KIRREL3: variants seen among roughly 807,000 people sequenced by gnomAD.
KIRREL3 encodes the protein kirre like nephrin family adhesion molecule 3.
In KIRREL3, 36 loss-of-function variants were observed where a neutral mutation model predicts 89.7. The ratio of observed to expected loss-of-function variants is 0.40; its 90% CI spans 0.31 to 0.53. The LOEUF is 0.53. Ranked by LOEUF, KIRREL3 falls within the 20% of genes least tolerant of loss-of-function variation. KIRREL3 has a pLI of 0.49. For missense variants in KIRREL3, 864 were observed against 1,056.6 expected (o/e 0.82, Z 2.53); for synonymous variants, 445 against 441.4 (o/e 1.01, Z -0.10).
At chr11:126,510,641 T>C (rs1297134112) in intron 4 of KIRREL3, among the ~76,000 whole-genome samples, 3 of 152,070 alleles carry the variant, frequency 2.0e-5, no homozygotes, top group Non-Finnish European at 2.9e-5. Flanking sequence ...AGTAAATCTA[T>C]TGTGCTTCTT....
At chr11:126,451,848 G>C (rs574352415) in intron 7 of KIRREL3, among the ~76,000 whole-genome samples, 1 of 152,224 alleles carries the variant, frequency 6.6e-6, no homozygotes, top group African/African-American at 2.4e-5. Context: ...CTTCTCTTCA[G>C]GCTGTTACAG....
At chr11:126,648,684 C>T (rs11220569) in intron 1 of KIRREL3, among the ~76,000 whole-genome samples, 7,204 of 152,164 alleles carry the variant, frequency 0.047, 521 homozygotes, top group East Asian at 0.15. Flanking sequence ...ATTTGTTGAA[C>T]ATATATATGT....
intron 2 of KIRREL3, chr11:126,549,343 AG>A (rs1939072616): frequency 6.6e-6 from 1 of 152,212 alleles, no homozygotes; most frequent in Non-Finnish European, 1.5e-5. Context: ...AGATGGAGTT[AG>A]GGGGAAAACG....
In KIRREL3 at chr11:126,605,955, C is replaced by G. The variant is rs1467066186; in HGVS notation, c.56-43043G>C. On this transcript the variant is annotated intron_variant, in intron 1 of 16. Transcript: ENST00000525144. The surrounding 1 kb of genome is among the most constrained non-coding windows in gnomAD (Gnocchi z 5.7). Reference sequence around the variant, plus strand: ...TCAGGGAAGTGACACACAGAATGGCCCCTTTGGCAGGGAGCAGTGAGCCAT... The same window carrying G: ...TCAGGGAAGTGACACACAGAATGGCGCCTTTGGCAGGGAGCAGTGAGCCAT... Among the ~76,000 whole-genome samples, 1 of 152,192 alleles carries G rather than the reference C, an allele frequency of 6.6e-6. No homozygotes were observed. The highest frequency in any genetic ancestry group is 1.5e-5 in the Non-Finnish European group (1 of 68,034).
rs1303039162 is a variant in KIRREL3 at position 126,551,047 on chromosome 11, C to T, written c.133+11788G>A. On this transcript the variant is annotated intron_variant, in intron 2 of 16. Coordinates refer to ENST00000525144, the MANE Select transcript of KIRREL3 (RefSeq NM_032531.4). The surrounding 1 kb of genome is among the most constrained non-coding windows in gnomAD (Gnocchi z 4.9). ...GTTTGATTAATTTGCTAGAGTGGCA[C>T]GAAGACCTCAGGGAAACACTTACCT... Among the ~76,000 whole-genome samples, 3 of 152,100 alleles carry T rather than the reference C, an allele frequency of 2.0e-5. No individual in the cohort carries two copies. Among genetic ancestry groups the T allele is most frequent in the South Asian group, 4.2e-4 (2 of 4,810 alleles).
In KIRREL3 at chr11:126,563,873, AC is replaced by A. The variant is rs1940316528; in HGVS notation, c.56-962del. Among the ~76,000 whole-genome samples, 1 of 151,864 alleles carries A rather than the reference AC, an allele frequency of 6.6e-6. No homozygotes were observed. Among genetic ancestry groups the A allele is most frequent in the Admixed American group, 6.6e-5 (1 of 15,248 alleles). ...ACACTAATTTTTTTGACCCCCCTCTACCCCCAAACAACTCACTGAGGTGGGC... is the reference window on the plus strand; with the variant it reads ...ACACTAATTTTTTTGACCCCCCTCTACCCCAAACAACTCACTGAGGTGGGC... On this transcript the variant is annotated intron_variant, in intron 1 of 16. Coordinates refer to ENST00000525144, the MANE Select transcript of KIRREL3 (RefSeq NM_032531.4). The surrounding 1 kb of genome is among the most constrained non-coding windows in gnomAD (Gnocchi z 6.8).
At chr11:126,502,255 G>C (rs535675552) in intron 4 of KIRREL3, among the ~76,000 whole-genome samples, 7 of 152,140 alleles carry the variant, frequency 4.6e-5, no homozygotes, top group Non-Finnish European at 1.0e-4. Context: ...CCTAGCACAG[G>C]GGATGCATCC....
In KIRREL3 at chr11:126,965,665, A is replaced by G. The variant is rs1199301856; in HGVS notation, c.55+34790T>C. Among the ~76,000 whole-genome samples the G allele has an allele frequency of 6.6e-6, 1 of 152,220 alleles. No individual in the cohort carries two copies. The highest frequency in any genetic ancestry group is 2.4e-5 in the African/African-American group (1 of 41,448). On this transcript the variant is annotated intron_variant, in intron 1 of 16. Coordinates refer to ENST00000525144, the MANE Select transcript of KIRREL3 (RefSeq NM_032531.4). The surrounding 1 kb of genome is among the most constrained non-coding windows in gnomAD (Gnocchi z 4.4). ...TGATGGAGAGGTCAGAGCCATGGAT[A>G]ATCGAAACCTCAGCCAAAAGAAGAT...
At position 126,750,136 on chromosome 11, in the gene KIRREL3, T is replaced by C. The variant is rs747612138; in HGVS notation, c.56-187224A>G. ...GAATAAATAAGTGCCTTGCACATAG[T>C]AGGCACAGAATACACAATCATTGCT... is the stretch of plus-strand genomic sequence containing the variant. On this transcript the variant is annotated intron_variant, in intron 1 of 16. Coordinates refer to ENST00000525144, the MANE Select transcript of KIRREL3 (RefSeq NM_032531.4). The surrounding 1 kb of genome is among the most constrained non-coding windows in gnomAD (Gnocchi z 4.2). 1.3e-5 allele frequency among the ~76,000 whole-genome samples: 2 copies of C among 152,182 alleles called. No homozygotes were observed. Among genetic ancestry groups the C allele is most frequent in the Non-Finnish European group, 1.5e-5 (1 of 68,036 alleles).
At chr11:126,894,438 G>A (rs1363761631) in intron 1 of KIRREL3, among the ~76,000 whole-genome samples, 1 of 148,692 alleles carries the variant, frequency 6.7e-6, no homozygotes, top group Non-Finnish European at 1.5e-5. Context: ...GCTGGGCATG[G>A]TGCCTCATGC....
Position 126,918,649 on chromosome 11 carries a change from G to T in KIRREL3, c.55+81806C>A, listed in dbSNP as rs1431225658. ...GAGTTTATAATCTAAGAAAGGGATT[G>T]CAAATACATAGAAAGGCTATTCCAT... On this transcript the variant is annotated intron_variant, in intron 1 of 16. Transcript: ENST00000525144. This position sits in a 1 kb window ranked among gnomAD's most constrained non-coding sequence, Gnocchi z 6.5. 6.6e-6 allele frequency among the ~76,000 whole-genome samples: 1 copy of T among 152,210 alleles called. No homozygotes were observed. The highest frequency in any genetic ancestry group is 1.9e-4 in the East Asian group (1 of 5,202).
At chr11:126,449,296 A>C in intron 7 of KIRREL3, 139 bp from the exon 8 acceptor site, 1 of 906,098 alleles carries the variant, frequency 1.1e-6, no homozygotes, top group Non-Finnish European at 1.7e-6. Flanking sequence ...GTCAAGGGGA[A>C]TCTTCACAGA....
intron 9 of KIRREL3, 103 bp from the exon 10 acceptor site, chr11:126,445,208 G>A: frequency 7.0e-7 from 1 of 1,423,564 alleles, no homozygotes; most frequent in Non-Finnish European, 9.6e-7. Context: ...AACTGAGGCA[G>A]TCTCCGGCAT....
intron 5 of KIRREL3, among the ~76,000 whole-genome samples, chr11:126,468,356 T>C (rs1455230921): frequency 2.0e-5 from 3 of 152,226 alleles, no homozygotes; most frequent in Non-Finnish European, 4.4e-5. Context: ...GCTCTGTGCC[T>C]CTGCAGCCGA....
In KIRREL3 at chr11:126,531,075, G is replaced by A. The variant is rs1437731579; in HGVS notation, c.134-4388C>T. Reference sequence around the variant, plus strand: ...GAACTCCTGACCTCATGATCCACCTGCCTCGACCTCCCAAAGTGTTGGGAT... The same window carrying A: ...GAACTCCTGACCTCATGATCCACCTACCTCGACCTCCCAAAGTGTTGGGAT... On this transcript the variant is annotated intron_variant, in intron 2 of 16. Transcript: ENST00000525144. This position sits in a 1 kb window ranked among gnomAD's most constrained non-coding sequence, Gnocchi z 4.7. Among the ~76,000 whole-genome samples, 2 of 152,036 alleles carry A rather than the reference G, an allele frequency of 1.3e-5. No homozygotes were observed. Among genetic ancestry groups the A allele is most frequent in the Non-Finnish European group, 2.9e-5 (2 of 67,998 alleles).
intron 7 of KIRREL3, among the ~76,000 whole-genome samples, chr11:126,451,529 CAT>C (rs1565465014): frequency 3.7e-5 from 5 of 133,392 alleles, no homozygotes; most frequent in African/African-American, 1.5e-4. Context: ...TGAGTGGGTG[CAT>C]GTGTGAGAGT....
chr11:126,423,531 A>G lies in KIRREL3; in HGVS notation c.*1049T>C, dbSNP rs1954804417. On this transcript the variant is annotated 3_prime_UTR_variant, in exon 17 of 17. Coordinates refer to ENST00000525144, the MANE Select transcript of KIRREL3 (RefSeq NM_032531.4). ...TCCCTAACATTTATTTCAGGTGGTG[A>G]CTAGGAGGGTTGAGGTGTAGATATA... is the stretch of plus-strand genomic sequence containing the variant. 6.6e-6 allele frequency: 1 copy of G among 152,146 alleles called. No individual in the cohort carries two copies. The highest frequency in any genetic ancestry group is 1.5e-5 in the Non-Finnish European group (1 of 68,014). The allele number at this position is 152,146 out of a possible 1,614,324, so 9.4% of individuals were successfully genotyped here.
rs1591521433 is a variant in KIRREL3, at chr11:126,431,704, C to T, written c.1589-178G>A. Among the ~76,000 whole-genome samples the T allele has an allele frequency of 2.6e-5, 4 of 152,268 alleles. No individual in the cohort carries two copies. In the South Asian group the frequency reaches 8.3e-4, roughly 32 times the overall value. Reference sequence around the variant, plus strand: ...CAACTGGGGTCAGCTCTAGCTGGGACTGCAAAGACCAGGGTGGAGGACACA... The same window carrying T: ...CAACTGGGGTCAGCTCTAGCTGGGATTGCAAAGACCAGGGTGGAGGACACA... On this transcript the variant is annotated intron_variant, in intron 13 of 16. Coordinates refer to ENST00000525144, the MANE Select transcript of KIRREL3 (RefSeq NM_032531.4). The surrounding 1 kb of genome is among the most constrained non-coding windows in gnomAD (Gnocchi z 7.1).
chr11:126,825,557 T>G (rs1404204161), intron 1 of KIRREL3, among the ~76,000 whole-genome samples: 2 of 152,166 alleles, frequency 1.3e-5, no homozygotes, highest in East Asian at 3.9e-4. Flanking sequence ...TGAATATACC[T>G]GAGATTTTAA....
Sources: allele counts gnomAD v4.1 joint callset (sites outside exome capture counted in the v4.1 genomes callset), GRCh38; gene constraint gnomAD v4.1.1; non-coding constraint Gnocchi (gnomAD v3.1); transcripts MANE v1.5; gene names NCBI Gene and HGNC (gene_info 2026-07-23, HGNC 2026-07-21).